Variants in HIVEP1 observed in about 807,000 individuals in gnomAD.
HIVEP1 encodes HIVEP zinc finger 1.
A neutral mutation model predicts 180.0 loss-of-function variants in HIVEP1; 36 were observed. The ratio of observed to expected loss-of-function variants is 0.20; its 90% CI spans 0.15 to 0.26. The LOEUF (loss-of-function observed/expected upper bound fraction) is 0.26. HIVEP1 is among the 10% of genes least tolerant of loss of function. HIVEP1 has a pLI of 1.00. For missense variants in HIVEP1, 3,143 were observed against 3,268.7 expected (o/e 0.96, Z 0.94); for synonymous variants, 1,239 against 1,239.0 (o/e 1.00, Z 0.00).
chr6:12,169,798 G>A (rs1760849009), downstream of HIVEP1, among the ~76,000 whole-genome samples: 1 of 152,108 alleles, frequency 6.6e-6, no homozygotes, highest in South Asian at 2.1e-4. Flanking sequence ...GTGGAAGAGA[G>A]GATTCACTCA....
chr6:12,209,533 T>G, the HIVEP1 span, among the ~76,000 whole-genome samples: 1 of 152,230 alleles, frequency 6.6e-6, no homozygotes, highest in Non-Finnish European at 1.5e-5. Flanking sequence ...GAATGTAAGC[T>G]CCATGAAGGC....
chr6:12,101,550 T>C (rs1230424164), intron 3 of HIVEP1, among the ~76,000 whole-genome samples: 1 of 152,000 alleles, frequency 6.6e-6, no homozygotes, highest in African/African-American at 2.4e-5. Flanking sequence ...ACTCTGAAGA[T>C]GTGAGGTAAG....
At chr6:12,084,795 A>C (rs1374960698) in intron 2 of HIVEP1, among the ~76,000 whole-genome samples, 1 of 152,060 alleles carries the variant, frequency 6.6e-6, no homozygotes, top group Non-Finnish European at 1.5e-5. Flanking sequence ...GGGAGGACGT[A>C]CGGGTGCTAG....
At chr6:12,072,466 G>A (rs1338320611) in intron 2 of HIVEP1, among the ~76,000 whole-genome samples, 1 of 151,838 alleles carries the variant, frequency 6.6e-6, no homozygotes, top group African/African-American at 2.4e-5. Context: ...ATAGGTCTAT[G>A]TGTAGTATCC....
At position 12,120,662 on chromosome 6, in the gene HIVEP1, C is replaced by T. The variant is rs746741664; in HGVS notation, c.867C>T (p.His289=). 25 of 1,614,104 alleles carry T rather than the reference C, an allele frequency of 1.5e-5. No individual in the cohort carries two copies. The highest frequency in any genetic ancestry group is 1.9e-5 in the Non-Finnish European group (23 of 1,180,052). The change falls in exon 4 of 9, where the codon CAC becomes CAT. Residue 289 remains histidine, a synonymous_variant. Transcript: ENST00000379388. Reference sequence around the variant, plus strand: ...CTCATTTGTATCATCAACATGAACACTTTGTTCCCAAATCCAACCAACATA... The same window carrying T: ...CTCATTTGTATCATCAACATGAACATTTTGTTCCCAAATCCAACCAACATA... ...SASHLYHQHE[H]FVPKSNQHNQ... is the part of the protein sequence containing the mutation.
At chr6:12,173,016 T>C in the HIVEP1 span, among the ~76,000 whole-genome samples, 1 of 152,140 alleles carries the variant, frequency 6.6e-6, no homozygotes, top group Admixed American at 6.5e-5. Context: ...ATAGGAGCCA[T>C]AAAAATATTT....
At position 12,123,062 on chromosome 6, in the gene HIVEP1, A is replaced by G. The variant is rs759053324; in HGVS notation, c.3267A>G (p.Gln1089=). ...AGCAGCATAAAAATATACAGTTGCAAAACTCCCATATTCACCTTGTTGCCA... is the reference window on the plus strand; with the variant it reads ...AGCAGCATAAAAATATACAGTTGCAGAACTCCCATATTCACCTTGTTGCCA... ...SDQQHKNIQL[Q]NSHIHLVARG... Residue 1089 remains glutamine (Q), a synonymous_variant, in exon 4 of 9, where the codon CAA becomes CAG. Transcript: ENST00000379388. 1.9e-6 allele frequency: 3 copies of G among 1,614,176 alleles called. 1 individual carries two copies. The highest frequency in any genetic ancestry group is 2.2e-5 in the South Asian group (2 of 91,072).
At chr6:12,172,267 T>C in the HIVEP1 span, among the ~76,000 whole-genome samples, 1 of 152,046 alleles carries the variant, frequency 6.6e-6, no homozygotes, top group Admixed American at 6.5e-5. Flanking sequence ...TTAGATATTG[T>C]ATTAAGGGTT....
At chr6:12,175,910 G>C in the HIVEP1 span, among the ~76,000 whole-genome samples, 2 of 152,158 alleles carry the variant, frequency 1.3e-5, no homozygotes, top group Non-Finnish European at 2.9e-5. Context: ...ACCTAACAGG[G>C]ATTGGTCACA....
At chr6:12,160,553 C>T (rs947444729) in intron 7 of HIVEP1, among the ~76,000 whole-genome samples, 2 of 152,160 alleles carry the variant, frequency 1.3e-5, no homozygotes, top group African/African-American at 4.8e-5. Context: ...GCCCAGATGA[C>T]TCACCCAAAC....
At chr6:12,099,149 T>C (rs1773950295) in intron 3 of HIVEP1, among the ~76,000 whole-genome samples, 1 of 149,616 alleles carries the variant, frequency 6.7e-6, no homozygotes, top group African/African-American at 2.5e-5. Flanking sequence ...CAGCCCACTG[T>C]GAAGGAGCAG....
chr6:12,033,056 G>A (rs1769056352), intron 2 of HIVEP1, among the ~76,000 whole-genome samples: 1 of 152,164 alleles, frequency 6.6e-6, no homozygotes, highest in Non-Finnish European at 1.5e-5. Flanking sequence ...TTTGTCTTAT[G>A]ATTTTTCGAC....
chr6:12,021,954 T>G (rs779511096), intron 2 of HIVEP1, among the ~76,000 whole-genome samples: 1 of 151,686 alleles, frequency 6.6e-6, no homozygotes, highest in South Asian at 2.1e-4. Flanking sequence ...CATGAGCCAC[T>G]TCACCTGGCC....
chr6:12,020,730 C>T (rs1201284112), intron 2 of HIVEP1, among the ~76,000 whole-genome samples: 1 of 152,046 alleles, frequency 6.6e-6, no homozygotes, highest in African/African-American at 2.4e-5. Flanking sequence ...GATTGGAAGT[C>T]AGTGTGGAAA....
chr6:12,011,551 C>G (rs1767305454), upstream of HIVEP1, among the ~76,000 whole-genome samples: 1 of 150,626 alleles, frequency 6.6e-6, no homozygotes, highest in Non-Finnish European at 1.5e-5. Context: ...GCTCCCGCCC[C>G]CCGCGTCCCT....
At chr6:12,026,054 A>G (rs79731645) in intron 2 of HIVEP1, among the ~76,000 whole-genome samples, 8 of 151,992 alleles carry the variant, frequency 5.3e-5, no homozygotes, top group Admixed American at 5.2e-4. Flanking sequence ...AAAAAAAAAA[A>G]GAACAATTTT....
chr6:12,089,353 T>C (rs1185615412), intron 3 of HIVEP1, 116 bp downstream of exon 3: 1 of 577,658 alleles, frequency 1.7e-6, no homozygotes, highest in South Asian at 2.7e-5. Context: ...AAATTAGAAA[T>C]CCCCTTGAAC....
chr6:12,061,876 A>T (rs1581605550), intron 2 of HIVEP1, among the ~76,000 whole-genome samples: 1 of 152,186 alleles, frequency 6.6e-6, no homozygotes, highest in African/African-American at 2.4e-5. Context: ...CTCGTGAGGA[A>T]ATCCTATGAT....
chr6:12,188,792 T>A, the HIVEP1 span, among the ~76,000 whole-genome samples: 1 of 151,984 alleles, frequency 6.6e-6, no homozygotes, highest in Admixed American at 6.5e-5. Flanking sequence ...ACAAGTTTAA[T>A]GTGATCTCAA....
Sources: gnomAD v4.1 joint callset for allele counts (sites outside exome capture counted in the v4.1 genomes callset) on GRCh38, gnomAD v4.1.1 for gene constraint, MANE v1.5 for transcripts, NCBI Gene and HGNC (gene_info 2026-07-23, HGNC 2026-07-21) for gene names.